Variants in CACNA1C observed in about 807,000 individuals in gnomAD.
The protein encoded by CACNA1C is voltage-dependent L-type calcium channel subunit alpha-1C.
A neutral mutation model predicts 229.0 loss-of-function variants in CACNA1C; 30 were observed. The ratio of observed to expected loss-of-function variants is 0.13; its 90% CI spans 0.10 to 0.18. The LOEUF is 0.18. Among genes scored for constraint, CACNA1C ranks in the 10% least tolerant of loss-of-function variants. CACNA1C has a pLI of 1.00. For synonymous variants in CACNA1C, 1,114 were observed against 1,132.5 expected (o/e 0.98, Z 0.33); for missense variants, 1,658 against 2,845.0 (o/e 0.58, Z 9.49).
intron 44 of CACNA1C, 149 bp from the exon 45 acceptor site, chr12:2,686,017 C>T: frequency 1.2e-6 from 1 of 821,246 alleles, no homozygotes; most frequent in Non-Finnish European, 2.1e-6. Context: ...GAGCCCTGGA[C>T]ACCAGAATAC....
intron 1 of CACNA1C, among the ~76,000 whole-genome samples, chr12:2,013,302 A>G (rs1298498540): frequency 1.3e-5 from 2 of 152,190 alleles, no homozygotes; most frequent in Non-Finnish European, 1.5e-5. Context: ...GTATGAAGCT[A>G]GGTCTCCATG....
chr12:2,579,637 A>G (rs1008800098), intron 13 of CACNA1C, among the ~76,000 whole-genome samples: 1 of 152,110 alleles, frequency 6.6e-6, no homozygotes, highest in Non-Finnish European at 1.5e-5. Flanking sequence ...ATGAAGGGCA[A>G]TGGTGCAAAC....
At position 2,405,822 on chromosome 12, in the gene CACNA1C, T is replaced by C. The variant is rs910420600; in HGVS notation, c.478-43154T>C. ...AACTCTAGAGGAGACAGAAAGTGTA[T>C]TCATTTGCCCATATTCTTGCTCTTT... is the stretch of plus-strand genomic sequence containing the variant. On this transcript the variant is annotated intron_variant, in intron 3 of 46. Coordinates refer to ENST00000399655, the MANE Select transcript of CACNA1C (RefSeq NM_000719.7). 5.3e-5 allele frequency among the ~76,000 whole-genome samples: 8 copies of C among 152,204 alleles called. 1 individual carries two copies. Among genetic ancestry groups the C allele is most frequent in the Admixed American group, 5.2e-4 (8 of 15,276 alleles).
Position 2,606,600 on chromosome 12 carries a change from C to T in CACNA1C, c.3157-11C>T, listed in dbSNP as rs893231657. 4 of 1,599,260 alleles carry T rather than the reference C, an allele frequency of 2.5e-6. No individual in the cohort carries two copies. Among genetic ancestry groups the T allele is most frequent in the Non-Finnish European group, 3.4e-6 (4 of 1,172,764 alleles). On this transcript the variant is annotated splice_polypyrimidine_tract_variant and intron_variant, in intron 24 of 46. Transcript: ENST00000399655. Reference sequence around the variant, plus strand: ...CTGAACATCTCTGATACTCTGTTCTCTGCCTTCCAGGGAAAGCTGTACACC... The same window carrying T: ...CTGAACATCTCTGATACTCTGTTCTTTGCCTTCCAGGGAAAGCTGTACACC...
At chr12:2,548,127 GT>G (rs2099885302) in intron 9 of CACNA1C, among the ~76,000 whole-genome samples, 2 of 152,292 alleles carry the variant, frequency 1.3e-5, no homozygotes, top group South Asian at 4.1e-4. Flanking sequence ...AAGACTGAGA[GT>G]GCTTCCATTT....
intron 30 of CACNA1C, among the ~76,000 whole-genome samples, chr12:2,643,258 T>A (rs1569007391): frequency 6.6e-6 from 1 of 152,168 alleles, no homozygotes; most frequent in Non-Finnish European, 1.5e-5. Context: ...GACCTGGGGG[T>A]GGTGGCCCGG....
At chr12:2,176,016 A>T (rs2096634745) in intron 3 of CACNA1C, among the ~76,000 whole-genome samples, 1 of 152,188 alleles carries the variant, frequency 6.6e-6, no homozygotes, top group South Asian at 2.1e-4. Flanking sequence ...GGGAAGATGG[A>T]TAGTGAACAA....
In CACNA1C at chr12:2,578,114, C is replaced by T. The variant is rs1032065804; in HGVS notation, c.1896-3476C>T. On this transcript the variant is annotated intron_variant, in intron 13 of 46. Coordinates refer to ENST00000399655, the MANE Select transcript of CACNA1C (RefSeq NM_000719.7). ...CGATCTCCTGACCTCGTGATCCGCC[C>T]GCCTCGGCCTCCCAAAGTGCTGGGA... Among the ~76,000 whole-genome samples the T allele has an allele frequency of 4.6e-5, 7 of 152,124 alleles. No individual in the cohort carries two copies. In the South Asian group the frequency reaches 6.2e-4, roughly 14 times the overall value.
At chr12:2,471,272 A>G (rs185615004) in intron 5 of CACNA1C, among the ~76,000 whole-genome samples, 2 of 152,346 alleles carry the variant, frequency 1.3e-5, no homozygotes, top group Non-Finnish European at 2.9e-5. Flanking sequence ...TGTGATTACT[A>G]TATGTCTTCT....
chr12:2,052,818 C>A (rs1225362112), upstream of CACNA1C, among the ~76,000 whole-genome samples: 3 of 145,590 alleles, frequency 2.1e-5, no homozygotes, highest in Admixed American at 6.8e-5. Flanking sequence ...CCGTGCGCCC[C>A]GCGCCGTGCG....
rs1305227243 is a variant in CACNA1C at position 2,181,500 on chromosome 12, A to G, written c.477+61070A>G. 6.6e-6 allele frequency among the ~76,000 whole-genome samples: 1 copy of G among 152,170 alleles called. No individual in the cohort carries two copies. The highest frequency in any genetic ancestry group is 2.4e-5 in the African/African-American group (1 of 41,436). On this transcript the variant is annotated intron_variant, in intron 3 of 46. Transcript: ENST00000399655. The surrounding 1 kb of genome is among the most constrained non-coding windows in gnomAD (Gnocchi z 4.0). ...TAGGTTCCAAAACTCAGTTGCTGAA[A>G]GGCGTAATAGGGGAGCGCAGATTTG...
intron 3 of CACNA1C, among the ~76,000 whole-genome samples, chr12:2,335,587 T>G (rs746701539): frequency 2.0e-5 from 3 of 152,194 alleles, no homozygotes; most frequent in Non-Finnish European, 4.4e-5. Context: ...GTCTGCTCTG[T>G]TCTCTTCTTT....
intron 14 of CACNA1C, among the ~76,000 whole-genome samples, chr12:2,582,137 C>G (rs2060723033): frequency 6.9e-6 from 1 of 145,794 alleles, no homozygotes; most frequent in South Asian, 2.2e-4. Context: ...GACTCCGTCT[C>G]AAATAAAAAA....
Position 2,476,542 on chromosome 12 carries a change from G to C in CACNA1C, c.758-9562G>C, listed in dbSNP as rs185127302. Among the ~76,000 whole-genome samples the C allele has an allele frequency of 2.8e-3, 434 of 152,336 alleles. 1 individual carries two copies. Among genetic ancestry groups the C allele is most frequent in the Non-Finnish European group, 5.2e-3 (356 of 68,024 alleles). ...AATGGTAGTTAATACTATTATTGTTGTTGTTTGCTTTAGATCATCTTGTCT... is the reference window on the plus strand; with the variant it reads ...AATGGTAGTTAATACTATTATTGTTCTTGTTTGCTTTAGATCATCTTGTCT... On this transcript the variant is annotated intron_variant, in intron 5 of 46. Coordinates refer to ENST00000399655, the MANE Select transcript of CACNA1C (RefSeq NM_000719.7).
chr12:2,006,399 C>G (rs1255992179), intron 1 of CACNA1C, among the ~76,000 whole-genome samples: 4 of 151,980 alleles, frequency 2.6e-5, no homozygotes, highest in Non-Finnish European at 4.4e-5. Flanking sequence ...TAGAGCGAGA[C>G]TCCATCTCAA....
rs767790076 is a variant in CACNA1C, at chr12:2,664,882, G to C, written c.4290G>C (p.Lys1430Asn). 1.2e-6 allele frequency: 2 copies of C among 1,613,134 alleles called. No homozygotes were observed. The highest frequency in any genetic ancestry group is 1.7e-6 in the Non-Finnish European group (2 of 1,179,464). The part of the protein sequence containing the change: ...DIMLACMPGK[K>N]CAPESEPSNS... ...TGCTGGCCTGCATGCCAGGCAAGAA[G>C]TGTGCCCCAGAGTCCGAGCCCAGCA... Residue 1430 changes from lysine to asparagine, a missense_variant, in exon 35 of 47, where the codon AAG becomes AAC. By Grantham distance (94) the Lys-to-Asn change is moderately conservative. This residue lies in a region of CACNA1C where 151 missense variants were observed against 344.4 expected (regional missense o/e 0.44). Coordinates refer to ENST00000399655, the MANE Select transcript of CACNA1C (RefSeq NM_000719.7).
At chr12:2,038,626 G>A (rs914962132) in intron 1 of CACNA1C, among the ~76,000 whole-genome samples, 7 of 152,206 alleles carry the variant, frequency 4.6e-5, no homozygotes, top group Non-Finnish European at 8.8e-5. Context: ...GAAGAGAATT[G>A]TTGAGATATG....
rs779668570 is a variant in CACNA1C, at chr12:2,287,308, G to A, written c.478-161668G>A. ...TCCTGCTCGTCTGGATTGTGATTGCGACCCGTGCCTCATGGAGTGTCGCTG... is the reference window on the plus strand; with the variant it reads ...TCCTGCTCGTCTGGATTGTGATTGCAACCCGTGCCTCATGGAGTGTCGCTG... On this transcript the variant is annotated intron_variant, in intron 3 of 46. Coordinates refer to ENST00000399655, the MANE Select transcript of CACNA1C (RefSeq NM_000719.7). The surrounding 1 kb of genome is among the most constrained non-coding windows in gnomAD (Gnocchi z 4.6). Among the ~76,000 whole-genome samples, 9 of 152,188 alleles carry A rather than the reference G, an allele frequency of 5.9e-5. No homozygotes were observed. The highest frequency in any genetic ancestry group is 5.9e-4 in the Admixed American group (9 of 15,280).
At chr12:2,529,269 T>G in intron 9 of CACNA1C, among the ~76,000 whole-genome samples, 1 of 152,230 alleles carries the variant, frequency 6.6e-6, no homozygotes, top group South Asian at 2.1e-4. Context: ...CAGCAGGGTC[T>G]TACCCGCTCC....
Sources: gnomAD v4.1 joint callset for allele counts (sites outside exome capture counted in the v4.1 genomes callset) on GRCh38, gnomAD v4.1.1 for gene constraint, gnomAD v4.1.1 regional missense constraint, Gnocchi (gnomAD v3.1) non-coding constraint, MANE v1.5 for transcripts, NCBI Gene and HGNC (gene_info 2026-07-23, HGNC 2026-07-21) for gene names.